Variants in NMNAT2 observed in about 807,000 individuals in gnomAD.
NMNAT2 encodes the protein nicotinamide/nicotinic acid mononucleotide adenylyltransferase 2.
A neutral mutation model predicts 41.6 loss-of-function variants in NMNAT2; 11 were observed. The observed-to-expected ratio is 0.26, with a 90% CI of 0.17 to 0.44. NMNAT2 has a LOEUF of 0.44. Among genes scored for constraint, NMNAT2 ranks in the 20% least tolerant of loss-of-function variants. The pLI is 1.00. For synonymous variants in NMNAT2, 148 were observed against 151.2 expected (o/e 0.98, Z 0.16); for missense variants, 288 against 407.7 (o/e 0.71, Z 2.53).
At chr1:183,341,529 A>G (rs1363835582) in intron 1 of NMNAT2, among the ~76,000 whole-genome samples, 1 of 147,866 alleles carries the variant, frequency 6.8e-6, no homozygotes, top group Non-Finnish European at 1.5e-5. Context: ...AATGCAAAAA[A>G]AAAAAAAAAA....
chr1:183,334,779 G>A (rs192058341), intron 1 of NMNAT2, among the ~76,000 whole-genome samples: 58 of 151,684 alleles, frequency 3.8e-4, no homozygotes, highest in African/African-American at 1.3e-3. Context: ...CAAAGTGCTG[G>A]GATTACAGGC....
At position 183,366,056 on chromosome 1, in the gene NMNAT2, C is replaced by T. The variant is rs1201891461; in HGVS notation, c.85+52127G>A. Reference sequence around the variant, plus strand: ...CATTCTCTCTGGTATACCACTACACCCTGGGGTAAACTACAACTGCCAAAA... The same window carrying T: ...CATTCTCTCTGGTATACCACTACACTCTGGGGTAAACTACAACTGCCAAAA... On this transcript the variant is annotated intron_variant, in intron 1 of 10. Coordinates refer to ENST00000287713, the MANE Select transcript of NMNAT2 (RefSeq NM_015039.4). 2.6e-5 allele frequency among the ~76,000 whole-genome samples: 4 copies of T among 152,114 alleles called. No homozygotes were observed. The East Asian group carries it at 7.7e-4, about 29-fold the overall frequency.
intron 1 of NMNAT2, 51 bp downstream of exon 1, chr1:183,418,132 G>C: frequency 6.5e-7 from 1 of 1,536,508 alleles, no homozygotes; most frequent in Non-Finnish European, 9.0e-7. Flanking sequence ...ACAGGTGCCT[G>C]GGAAAGGAGA....
intron 1 of NMNAT2, among the ~76,000 whole-genome samples, chr1:183,376,688 C>G (rs1477687858): frequency 6.6e-6 from 1 of 152,124 alleles, no homozygotes; most frequent in Non-Finnish European, 1.5e-5. Flanking sequence ...CTGGAATTCA[C>G]CATTTCCCTA....
At chr1:183,309,555 G>T (rs549564445) in intron 1 of NMNAT2, among the ~76,000 whole-genome samples, 1 of 152,214 alleles carries the variant, frequency 6.6e-6, no homozygotes, top group South Asian at 2.1e-4. Context: ...AAGGCCTACA[G>T]TAAGTGGAGA....
At chr1:183,280,007 G>A (rs1261283134) in intron 7 of NMNAT2, among the ~76,000 whole-genome samples, 1 of 152,224 alleles carries the variant, frequency 6.6e-6, no homozygotes. Context: ...TGCCTTCCGG[G>A]CAATCTGGGA....
chr1:183,286,921 C>T, intron 4 of NMNAT2, 133 bp from the exon 5 acceptor site: 1 of 801,258 alleles, frequency 1.2e-6, no homozygotes, highest in African/African-American at 1.7e-5. Flanking sequence ...GGGATGGGTT[C>T]TAGACCCAGC....
intron 1 of NMNAT2, among the ~76,000 whole-genome samples, chr1:183,397,452 G>T (rs1213979009): frequency 6.6e-6 from 1 of 151,890 alleles, no homozygotes; most frequent in Non-Finnish European, 1.5e-5. Flanking sequence ...GTGCCTAAAA[G>T]TGATGGGGAG....
At chr1:183,283,627 A>G in intron 7 of NMNAT2, 1 of 341,780 alleles carries the variant, frequency 2.9e-6, no homozygotes. Context: ...CAAGCACTGA[A>G]TGAGGAAGGC....
intron 1 of NMNAT2, among the ~76,000 whole-genome samples, chr1:183,317,327 G>A (rs1011690350): frequency 6.6e-6 from 1 of 152,238 alleles, no homozygotes; most frequent in African/African-American, 2.4e-5. Flanking sequence ...CCAGGCTGAA[G>A]TACAGTGGCT....
At chr1:183,318,867 A>G (rs1662305640) in intron 1 of NMNAT2, among the ~76,000 whole-genome samples, 1 of 152,214 alleles carries the variant, frequency 6.6e-6, no homozygotes, top group South Asian at 2.1e-4. Flanking sequence ...GATTTTTAAC[A>G]TCATTATTTT....
In NMNAT2 at chr1:183,339,026, G is replaced by A. The variant is rs555749894; in HGVS notation, c.86-45233C>T. ...GGTCCTGCCAGGCGACCCTGCCCAAGGGCTCCCTTAGGGACAAACATCCCA... is the reference window on the plus strand; with the variant it reads ...GGTCCTGCCAGGCGACCCTGCCCAAAGGCTCCCTTAGGGACAAACATCCCA... On this transcript the variant is annotated intron_variant, in intron 1 of 10. Transcript: ENST00000287713. 5.3e-5 allele frequency among the ~76,000 whole-genome samples: 8 copies of A among 152,192 alleles called. No homozygotes were observed. The East Asian group carries it at 1.6e-3, about 30-fold the overall frequency.
rs1358048663 is a variant in NMNAT2 at position 183,418,327 on chromosome 1, G to T, written c.-60C>A. The T allele has an allele frequency of 2.0e-6, 3 of 1,508,112 alleles. No homozygotes were observed. Among genetic ancestry groups the T allele is most frequent in the Non-Finnish European group, 1.8e-6 (2 of 1,084,052 alleles). The allele number at this position is 1,508,112 out of a possible 1,614,324, so 93.4% of individuals were successfully genotyped here. ...TGCCTCTCTTTTTGTGTCTCGTTGT[G>T]TCTGCAGAGGGAGAAAGGAAGGCGA... On this transcript the variant is annotated 5_prime_UTR_variant, in exon 1 of 11. Transcript: ENST00000287713.
At chr1:183,377,376 G>A (rs1280220867) in intron 1 of NMNAT2, among the ~76,000 whole-genome samples, 4 of 152,076 alleles carry the variant, frequency 2.6e-5, no homozygotes, top group African/African-American at 4.8e-5. Context: ...AACTGGGAGG[G>A]TGGCAAAAGG....
intron 1 of NMNAT2, among the ~76,000 whole-genome samples, chr1:183,350,196 G>A (rs1161712644): frequency 6.6e-6 from 1 of 152,188 alleles, no homozygotes; most frequent in Non-Finnish European, 1.5e-5. Context: ...ATAAATGAAT[G>A]GGGAGAGGTG....
At chr1:183,375,880 G>T (rs1435404325) in intron 1 of NMNAT2, among the ~76,000 whole-genome samples, 1 of 152,086 alleles carries the variant, frequency 6.6e-6, no homozygotes, top group Non-Finnish European at 1.5e-5. Context: ...ATCACACTCT[G>T]GTATTAGAAC....
chr1:183,285,507 C>A (rs1246300016), intron 5 of NMNAT2, among the ~76,000 whole-genome samples: 1 of 152,148 alleles, frequency 6.6e-6, no homozygotes, highest in African/African-American at 2.4e-5. Flanking sequence ...TTTTCTGAGC[C>A]CCCCACATGT....
At chr1:183,276,040 G>T (rs1477957405) in intron 8 of NMNAT2, among the ~76,000 whole-genome samples, 1 of 152,130 alleles carries the variant, frequency 6.6e-6, no homozygotes, top group African/African-American at 2.4e-5. Context: ...TCTTGCTATT[G>T]GTTCATTATC....
intron 1 of NMNAT2, among the ~76,000 whole-genome samples, chr1:183,321,142 A>C (rs1167870830): frequency 6.6e-6 from 1 of 152,244 alleles, no homozygotes; most frequent in Non-Finnish European, 1.5e-5. Context: ...TGTGTGCTGA[A>C]GTGAAAAAGC....
Sources: gnomAD v4.1 joint callset for allele counts (sites outside exome capture counted in the v4.1 genomes callset) on GRCh38, gnomAD v4.1.1 for gene constraint, MANE v1.5 for transcripts, NCBI Gene and HGNC (gene_info 2026-07-23, HGNC 2026-07-21) for gene names.